The following REEP1 variants were observed in gnomAD, a reference collection of about 807,000 sequenced individuals.
REEP1 encodes receptor expression-enhancing protein 1.
Under a neutral mutation model 40.3 loss-of-function variants are expected in REEP1, and 22 were observed. The observed-to-expected ratio is 0.55, with a 90% CI of 0.39 to 0.78. The LOEUF (loss-of-function observed/expected upper bound fraction) is 0.78. Among genes scored for constraint, REEP1 ranks in the 30% least tolerant of loss-of-function variants. The probability of loss-of-function intolerance (pLI) is 0.00; values close to 1 mark genes in which losing one functional copy is unlikely to be tolerated. For synonymous variants in REEP1, 116 were observed against 139.2 expected, an observed-to-expected ratio of 0.83 and a Z score of 1.17; for missense variants, 280 against 361.1, an observed-to-expected ratio of 0.78 and a Z score of 1.82.
At chr2:86,239,208 C>CAAAAAAAAAA (rs35714309) in intron 5 of REEP1, among the ~76,000 whole-genome samples, 19 of 58,350 alleles carry the variant, frequency 3.3e-4, no homozygotes, top group Admixed American at 5.1e-4. Flanking sequence ...CCATCTAGAC[C>CAAAAAAAAAA]AAAAAAAAAA....
chr2:86,285,915 G>A (rs1678364750), intron 1 of REEP1, among the ~76,000 whole-genome samples: 1 of 152,148 alleles, frequency 6.6e-6, no homozygotes, highest in African/African-American at 2.4e-5. Context: ...TCAAGCAGAG[G>A]GAAGATGGAA....
At chr2:86,318,760 T>G (rs1212774379) in intron 1 of REEP1, among the ~76,000 whole-genome samples, 1 of 151,986 alleles carries the variant, frequency 6.6e-6, no homozygotes, top group Non-Finnish European at 1.5e-5. Flanking sequence ...GCGCCATACT[T>G]TAGTATTTGG....
chr2:86,232,555 C>A (rs1333643524), intron 6 of REEP1, 70 bp downstream of exon 6: 16 of 1,560,258 alleles, frequency 1.0e-5, no homozygotes, highest in Middle Eastern at 1.7e-4. Flanking sequence ...TGCCACACTG[C>A]GGACTGGGCC....
intron 2 of REEP1, among the ~76,000 whole-genome samples, chr2:86,278,348 T>C (rs962674720): frequency 2.6e-5 from 4 of 152,202 alleles, no homozygotes; most frequent in Admixed American, 1.3e-4. Flanking sequence ...AACAATTCAG[T>C]GTTCGGAATG....
At chr2:86,228,456 CTTT>C (rs5832674) in intron 6 of REEP1, among the ~76,000 whole-genome samples, 13 of 137,748 alleles carry the variant, frequency 9.4e-5, no homozygotes, top group Non-Finnish European at 1.2e-4. Flanking sequence ...ATCCCCTTCA[CTTT>C]TTTTTTTTTT....
At chr2:86,269,842 A>T (rs976030396) in intron 2 of REEP1, among the ~76,000 whole-genome samples, 3 of 143,238 alleles carry the variant, frequency 2.1e-5, no homozygotes, top group Non-Finnish European at 3.0e-5. Context: ...TTTAAAATAT[A>T]AAAAAAAAAC....
intron 1 of REEP1, among the ~76,000 whole-genome samples, chr2:86,323,561 C>T (rs577829087): frequency 4.6e-5 from 7 of 152,262 alleles, no homozygotes; most frequent in African/African-American, 1.7e-4. Flanking sequence ...TTAGGTTGCA[C>T]AGCTCCTTAT....
At chr2:86,297,715 G>C in intron 1 of REEP1, 7 of 985,352 alleles carry the variant, frequency 7.1e-6, no homozygotes, top group Non-Finnish European at 7.2e-6. Flanking sequence ...GAGCGTCACT[G>C]TCTCAGTGGA....
rs187660026 is a variant in REEP1 at position 86,316,405 on chromosome 2, G to A, written c.32+21074C>T. Among the ~76,000 whole-genome samples the A allele has an allele frequency of 5.3e-4, 81 of 151,830 alleles. 1 individual carries two copies. The highest frequency in any genetic ancestry group is 1.8e-3 in the African/African-American group (75 of 41,406). On this transcript the variant is annotated intron_variant, in intron 1 of 8. Coordinates refer to ENST00000538924, the MANE Select transcript of REEP1 (RefSeq NM_001371279.1). ...AATACAAAACAAAAAAAAATTAGCC[G>A]GGTGTGGTGGTGGGTGCCTGTAATA...
chr2:86,296,840 A>G (rs988898380), intron 1 of REEP1, among the ~76,000 whole-genome samples: 1 of 152,204 alleles, frequency 6.6e-6, no homozygotes, highest in African/African-American at 2.4e-5. Flanking sequence ...CTGTGCAACA[A>G]GAGTGAAACT....
chr2:86,257,914 G>A (rs1397770607), intron 3 of REEP1, among the ~76,000 whole-genome samples: 1 of 152,126 alleles, frequency 6.6e-6, no homozygotes, highest in Non-Finnish European at 1.5e-5. Context: ...GAGCCACCGC[G>A]CCCGGCCTAT....
chr2:86,230,271 C>T (rs565462559), intron 6 of REEP1, among the ~76,000 whole-genome samples: 1 of 152,368 alleles, frequency 6.6e-6, no homozygotes, highest in South Asian at 2.1e-4. Flanking sequence ...CTGCCATCTC[C>T]CTGCAGACCC....
chr2:86,271,751 T>C (rs1178864476), intron 2 of REEP1, among the ~76,000 whole-genome samples: 3 of 152,228 alleles, frequency 2.0e-5, no homozygotes, highest in African/African-American at 7.2e-5. Flanking sequence ...AATGAGGTTT[T>C]GTCCAGTGGT....
chr2:86,257,827 G>A (rs746526821), intron 3 of REEP1, among the ~76,000 whole-genome samples: 2 of 151,794 alleles, frequency 1.3e-5, no homozygotes, highest in Non-Finnish European at 2.9e-5. Context: ...TAGTAGAGAC[G>A]GGGGTTTCAC....
chr2:86,264,186 C>G, intron 2 of REEP1, 145 bp from the exon 3 acceptor site: 3 of 710,800 alleles, frequency 4.2e-6, no homozygotes, highest in Non-Finnish European at 7.7e-6. Flanking sequence ...CTATCCTTCC[C>G]CAGCTTATGT....
At chr2:86,244,474 C>G (rs774976991) in intron 5 of REEP1, among the ~76,000 whole-genome samples, 1 of 152,164 alleles carries the variant, frequency 6.6e-6, no homozygotes, top group Non-Finnish European at 1.5e-5. Context: ...GCTTGGCTAT[C>G]GCCTGTTGGC....
chr2:86,232,803 C>G lies in REEP1; in HGVS notation c.418-1G>C. 2 of 1,600,092 alleles carry G rather than the reference C, an allele frequency of 1.2e-6. No individual in the cohort carries two copies. The highest frequency in any genetic ancestry group is 1.7e-6 in the Non-Finnish European group (2 of 1,179,850). ...GTCTCTCCGATAAGGCACCCTGTCC[C>G]TGGATACAACACAGGAGGGGCACAC... On this transcript the variant is annotated splice_acceptor_variant, in intron 5 of 8. Transcript: ENST00000538924. LOFTEE classifies it high-confidence loss of function.
At chr2:86,318,826 T>A (rs1415162574) in intron 1 of REEP1, among the ~76,000 whole-genome samples, 2 of 152,184 alleles carry the variant, frequency 1.3e-5, no homozygotes, top group Non-Finnish European at 2.9e-5. Flanking sequence ...AAGAGGGAAA[T>A]GTTTGTATTT....
chr2:86,305,397 C>T (rs1679437916), intron 1 of REEP1, among the ~76,000 whole-genome samples: 1 of 152,240 alleles, frequency 6.6e-6, no homozygotes, highest in Admixed American at 6.5e-5. Context: ...TCTGCACCAG[C>T]TGAGCAAGCT....
Sources: allele counts gnomAD v4.1 joint callset (sites outside exome capture counted in the v4.1 genomes callset), GRCh38; gene constraint gnomAD v4.1.1; transcripts MANE v1.5; gene names NCBI Gene and HGNC (gene_info 2026-07-23, HGNC 2026-07-21).